Variants in LDLRAD4 observed in about 807,000 individuals in gnomAD.
The protein encoded by LDLRAD4 is low-density lipoprotein receptor class A domain-containing protein 4.
In LDLRAD4, 5 loss-of-function variants were observed where a neutral mutation model predicts 17.0. The observed-to-expected ratio is 0.29, with a 90% CI of 0.15 to 0.62. The LOEUF (loss-of-function observed/expected upper bound fraction) is 0.62. Ranked by LOEUF, LDLRAD4 falls within the 20% of genes least tolerant of loss-of-function variation. The probability of loss-of-function intolerance (pLI) is 0.84; values close to 1 mark genes in which losing one functional copy is unlikely to be tolerated. For synonymous variants in LDLRAD4, 168 were observed against 171.8 expected, an observed-to-expected ratio of 0.98 and a Z score of 0.17; for missense variants, 340 against 424.7, an observed-to-expected ratio of 0.80 and a Z score of 1.75.
At chr18:13,287,444 T>G (rs2045692819) in intron 1 of LDLRAD4, among the ~76,000 whole-genome samples, 2 of 152,244 alleles carry the variant, frequency 1.3e-5, no homozygotes, top group African/African-American at 4.8e-5. Context: ...AAGGTTGAAA[T>G]GAGTTTGCCT....
intron 3 of LDLRAD4, chr18:13,612,148 C>T: frequency 1.0e-6 from 1 of 986,130 alleles, no homozygotes; most frequent in South Asian, 4.7e-5. Context: ...TTGCAGATTT[C>T]CTCCTTTCTG....
At position 13,408,389 on chromosome 18, in the gene LDLRAD4, AAAAG is replaced by A. The variant is rs1314807040; in HGVS notation, c.40+20628_40+20631del. On this transcript the variant is annotated intron_variant, in intron 2 of 5. Coordinates refer to ENST00000359446, the Ensembl canonical transcript of LDLRAD4. ...ACCCTGTCTCAAAAAAAAAAAAAAA[AAAAG>A]GTGAGAGAGATAGAGTAGTAGGGTG... 6.7e-4 allele frequency among the ~76,000 whole-genome samples: 99 copies of A among 148,076 alleles called. 2 individuals carry two copies. Among genetic ancestry groups the A allele is most frequent in the African/African-American group, 2.0e-3 (82 of 40,870 alleles).
intron 3 of LDLRAD4, among the ~76,000 whole-genome samples, chr18:13,574,442 C>T (rs2094738295): frequency 6.6e-6 from 1 of 152,158 alleles, no homozygotes; most frequent in Non-Finnish European, 1.5e-5. Context: ...TCTTCCTCAC[C>T]ATGGCAGCAG....
chr18:13,383,318 T>G (rs1454152753), intron 1 of LDLRAD4, among the ~76,000 whole-genome samples: 1 of 152,218 alleles, frequency 6.6e-6, no homozygotes, highest in Non-Finnish European at 1.5e-5. Flanking sequence ...TTTGCTCTCA[T>G]GGCACTTGTG....
intron 2 of LDLRAD4, among the ~76,000 whole-genome samples, chr18:13,396,505 A>G (rs1013071994): frequency 6.6e-6 from 1 of 152,214 alleles, no homozygotes; most frequent in Admixed American, 6.5e-5. Flanking sequence ...TATTTTTTAG[A>G]CAGGGTCTTG....
intron 3 of LDLRAD4, among the ~76,000 whole-genome samples, chr18:13,475,423 G>A (rs1373945039): frequency 2.6e-5 from 3 of 117,492 alleles, no homozygotes; most frequent in South Asian, 3.0e-4. Flanking sequence ...ACCACACCCC[G>A]CTGATTTTTT....
intron 2 of LDLRAD4, among the ~76,000 whole-genome samples, chr18:13,405,983 G>A (rs1157868250): frequency 6.6e-6 from 1 of 152,176 alleles, no homozygotes; most frequent in East Asian, 1.9e-4. Flanking sequence ...CTCAGTAAAG[G>A]TTCCACGGTG....
chr18:13,500,982 C>G (rs890860525), intron 3 of LDLRAD4: 1 of 152,044 alleles, frequency 6.6e-6, no homozygotes, highest in African/African-American at 2.4e-5. Flanking sequence ...CCCCTCATGC[C>G]CACCCGCCCC....
chr18:13,581,012 A>G (rs751875146), intron 3 of LDLRAD4, among the ~76,000 whole-genome samples: 3 of 152,032 alleles, frequency 2.0e-5, no homozygotes, highest in Non-Finnish European at 2.9e-5. Flanking sequence ...AGTGTTTTGG[A>G]TTTTGCATCT....
intron 1 of LDLRAD4, among the ~76,000 whole-genome samples, chr18:13,231,421 C>T (rs1349275964): frequency 6.6e-6 from 1 of 152,206 alleles, no homozygotes; most frequent in Non-Finnish European, 1.5e-5. Context: ...TGATTGCGGC[C>T]TGCCCGAGAT....
At chr18:13,558,236 C>T (rs2094504608) in intron 3 of LDLRAD4, among the ~76,000 whole-genome samples, 1 of 152,190 alleles carries the variant, frequency 6.6e-6, no homozygotes, top group Non-Finnish European at 1.5e-5. Flanking sequence ...TGCATTCCTC[C>T]ATAGTTCCCA....
At chr18:13,343,445 G>A (rs1334202386) in intron 1 of LDLRAD4, among the ~76,000 whole-genome samples, 1 of 152,000 alleles carries the variant, frequency 6.6e-6, no homozygotes, top group Admixed American at 6.5e-5. Flanking sequence ...GTATTCCATG[G>A]TGTATATGTG....
chr18:13,472,748 G>C (rs1479477547), intron 3 of LDLRAD4: 2 of 152,230 alleles, frequency 1.3e-5, no homozygotes, highest in African/African-American at 4.8e-5. Flanking sequence ...ATACACTGCA[G>C]AATGTTCTAT....
chr18:13,422,175 A>G (rs1044719229), intron 2 of LDLRAD4, among the ~76,000 whole-genome samples: 4 of 152,154 alleles, frequency 2.6e-5, no homozygotes, highest in Non-Finnish European at 4.4e-5. Flanking sequence ...CTGAACATTC[A>G]TGATTATGGA....
rs147913472 is a variant in LDLRAD4 at position 13,557,861 on chromosome 18, C to T, written c.182-63256C>T. Among the ~76,000 whole-genome samples, 174 of 152,294 alleles carry T rather than the reference C, an allele frequency of 1.1e-3. 1 individual carries two copies. The highest frequency in any genetic ancestry group is 4.0e-3 in the African/African-American group (165 of 41,554). On this transcript the variant is annotated intron_variant, in intron 3 of 5. Coordinates refer to ENST00000359446, the Ensembl canonical transcript of LDLRAD4. ...ATTGAGTAGCTGAAGAACCTCGATACCAGACACCAGTATGTCCAAATTCTT... is the reference window on the plus strand; with the variant it reads ...ATTGAGTAGCTGAAGAACCTCGATATCAGACACCAGTATGTCCAAATTCTT...
intron 3 of LDLRAD4, among the ~76,000 whole-genome samples, chr18:13,592,647 A>C (rs912385504): frequency 8.5e-5 from 13 of 152,186 alleles, no homozygotes; most frequent in Non-Finnish European, 2.9e-5. Flanking sequence ...TTAAGGACAA[A>C]CCTTTCACAA....
intron 2 of LDLRAD4, among the ~76,000 whole-genome samples, chr18:13,428,263 G>A (rs1016104899): frequency 2.6e-5 from 4 of 152,138 alleles, no homozygotes; most frequent in South Asian, 2.1e-4. Context: ...GGGAGGCCAC[G>A]GCGATGGTGA....
intron 3 of LDLRAD4, chr18:13,488,008 G>T (rs960552969): frequency 1.3e-5 from 2 of 152,494 alleles, no homozygotes; most frequent in African/African-American, 4.8e-5. Context: ...GAAGGACAAG[G>T]CTTTCAGTGA....
At chr18:13,410,698 G>A (rs938320893) in intron 2 of LDLRAD4, among the ~76,000 whole-genome samples, 1 of 152,194 alleles carries the variant, frequency 6.6e-6, no homozygotes, top group Non-Finnish European at 1.5e-5. Flanking sequence ...TTGTGATTAG[G>A]CTAACAATCT....
Sources: allele counts gnomAD v4.1 joint callset (sites outside exome capture counted in the v4.1 genomes callset), GRCh38; gene constraint gnomAD v4.1.1; transcripts MANE v1.5; gene names NCBI Gene and HGNC (gene_info 2026-07-23, HGNC 2026-07-21).